Variants in ALX1 observed in about 807,000 individuals in gnomAD.
ALX1 encodes the protein ALX homeobox protein 1.
A neutral mutation model predicts 31.7 loss-of-function variants in ALX1; 19 were observed. The ratio of observed to expected loss-of-function variants is 0.60; its 90% CI spans 0.42 to 0.88. The LOEUF (loss-of-function observed/expected upper bound fraction) is 0.88. Ranked by LOEUF, ALX1 falls within the 40% of genes least tolerant of loss-of-function variation. The pLI is 0.00. For missense variants in ALX1, 415 were observed against 407.8 expected, an observed-to-expected ratio of 1.02 and a Z score of -0.15; for synonymous variants, 153 against 148.8, an observed-to-expected ratio of 1.03 and a Z score of -0.20.
intron 2 of ALX1, among the ~76,000 whole-genome samples, chr12:85,285,620 G>C (rs1896737891): frequency 1.3e-5 from 2 of 151,850 alleles, no homozygotes; most frequent in Admixed American, 1.3e-4. Context: ...ATTAAACTGA[G>C]TATTAATATG....
chr12:85,294,608 G>T (rs1336141423), intron 3 of ALX1, among the ~76,000 whole-genome samples: 2 of 151,016 alleles, frequency 1.3e-5, no homozygotes, highest in African/African-American at 4.8e-5. Flanking sequence ...TTTGAATAAT[G>T]AAAAATGTAA....
At chr12:85,284,799 C>A (rs921689797) in intron 2 of ALX1, among the ~76,000 whole-genome samples, 1 of 151,998 alleles carries the variant, frequency 6.6e-6, no homozygotes, top group African/African-American at 2.4e-5. Flanking sequence ...TGTGTGTGTT[C>A]TGACTCCTCT....
intron 3 of ALX1, among the ~76,000 whole-genome samples, chr12:85,294,397 T>G (rs1896858638): frequency 6.6e-6 from 1 of 151,062 alleles, no homozygotes; most frequent in Non-Finnish European, 1.5e-5. Context: ...AGTAATAAAA[T>G]AGCAAAGGTT....
chr12:85,300,264 G>A (rs919275229), intron 3 of ALX1, among the ~76,000 whole-genome samples: 2 of 151,876 alleles, frequency 1.3e-5, no homozygotes, highest in Non-Finnish European at 2.9e-5. Flanking sequence ...ATTTGTACTT[G>A]TTAATATTGC....
At chr12:85,297,384 C>A (rs1896904158) in intron 3 of ALX1, among the ~76,000 whole-genome samples, 1 of 151,618 alleles carries the variant, frequency 6.6e-6, no homozygotes, top group African/African-American at 2.4e-5. Flanking sequence ...GTTAAAAGCA[C>A]TGGAGATGTT....
In ALX1 at chr12:85,301,469, C is replaced by T; in HGVS notation, c.975C>T (p.Ala325=). 1 of 1,613,716 alleles carries T rather than the reference C, an allele frequency of 6.2e-7. No homozygotes were observed. The highest frequency in any genetic ancestry group is 1.1e-5 in the South Asian group (1 of 91,062). ...AGCACACCGCCAATATTTCATGGGC[C>T]ATGTAACATACAGTACTCTTTTATT... ...AKEHTANISW[A]M Residue 325 remains alanine (A), a synonymous_variant, in exon 4 of 4, where the codon GCC becomes GCT. Coordinates refer to ENST00000316824, the MANE Select transcript of ALX1 (RefSeq NM_006982.3).
chr12:85,297,924 T>C (rs570223972), intron 3 of ALX1, among the ~76,000 whole-genome samples: 3 of 151,836 alleles, frequency 2.0e-5, no homozygotes, highest in Non-Finnish European at 1.5e-5. Flanking sequence ...AAAATTTTGA[T>C]ATATTAACAT....
intron 3 of ALX1, among the ~76,000 whole-genome samples, chr12:85,293,724 C>A (rs964143391): frequency 6.6e-6 from 1 of 151,010 alleles, no homozygotes; most frequent in Non-Finnish European, 1.5e-5. Flanking sequence ...AGAGTGCCAA[C>A]GTTAGCTTAT....
chr12:85,298,970 T>A (rs2137394153), intron 3 of ALX1, among the ~76,000 whole-genome samples: 1 of 151,858 alleles, frequency 6.6e-6, no homozygotes, highest in Admixed American at 6.6e-5. Flanking sequence ...CCCTTGCCTT[T>A]ACCTTTCTGA....
At chr12:85,295,624 A>C (rs1593052505) in intron 3 of ALX1, among the ~76,000 whole-genome samples, 1 of 151,724 alleles carries the variant, frequency 6.6e-6, no homozygotes, top group East Asian at 1.9e-4. Flanking sequence ...TAACTCTATA[A>C]ATCTCTGATC....
chr12:85,296,344 T>G lies in ALX1; in HGVS notation c.661-4811T>G, dbSNP rs560491934. On this transcript the variant is annotated intron_variant, in intron 3 of 3. Coordinates refer to ENST00000316824, the MANE Select transcript of ALX1 (RefSeq NM_006982.3). ...TATATTTATGTATTTTCCCTTCTCC[T>G]TCCTCTCTACTGCTTTTAATTCCTT... 2.0e-4 allele frequency among the ~76,000 whole-genome samples: 31 copies of G among 151,754 alleles called. No homozygotes were observed. The South Asian group carries it at 2.9e-3, about 14-fold the overall frequency.
chr12:85,293,348 T>C (rs900408351), intron 3 of ALX1, among the ~76,000 whole-genome samples: 2 of 150,432 alleles, frequency 1.3e-5, no homozygotes, highest in Non-Finnish European at 3.0e-5. Flanking sequence ...TACAGTGAAT[T>C]CTTTTCTTAA....
chr12:85,289,027 G>A (rs1309600473), intron 3 of ALX1, among the ~76,000 whole-genome samples: 1 of 151,286 alleles, frequency 6.6e-6, no homozygotes, highest in African/African-American at 2.4e-5. Context: ...CTCTTACTAA[G>A]TATATTCCAC....
intron 3 of ALX1, among the ~76,000 whole-genome samples, chr12:85,291,884 A>C (rs1896823449): frequency 6.6e-6 from 1 of 151,080 alleles, no homozygotes; most frequent in Non-Finnish European, 1.5e-5. Context: ...TTCCAGTCAG[A>C]GAGGTGTGGG....
At chr12:85,282,545 A>G (rs1896689629) in intron 1 of ALX1, among the ~76,000 whole-genome samples, 2 of 152,186 alleles carry the variant, frequency 1.3e-5, no homozygotes, top group Non-Finnish European at 2.9e-5. Context: ...GAAACAAATG[A>G]AAAAAGTATG....
At chr12:85,293,346 ATTC>A (rs1439453049) in intron 3 of ALX1, among the ~76,000 whole-genome samples, 4 of 150,474 alleles carry the variant, frequency 2.7e-5, no homozygotes, top group African/African-American at 9.7e-5. Context: ...GCTACAGTGA[ATTC>A]TTTTCTTAAT....
rs1593045944 is a variant in ALX1 at position 85,280,380 on chromosome 12, T to C, written c.119T>C (p.Phe40Ser). The change falls in exon 1 of 4, where the codon TTT (phenylalanine) becomes TCT (serine). Residue 40 changes from phenylalanine to serine, a missense_variant. Physicochemically the swap from Phe to Ser is radical, Grantham distance 155. Coordinates refer to ENST00000316824, the MANE Select transcript of ALX1 (RefSeq NM_006982.3). ...HVMETLDNES[F>S]YSKASAGKCV... The stretch of plus-strand genomic sequence containing the variant: ...ATGGAGACGCTGGACAATGAGTCCT[T>C]TTACAGCAAAGCGTCTGCAGGCAAA... 2.5e-6 allele frequency: 4 copies of C among 1,613,884 alleles called. No individual in the cohort carries two copies. The highest frequency in any genetic ancestry group is 3.4e-6 in the Non-Finnish European group (4 of 1,180,030).
chr12:85,289,781 T>A (rs552183502), intron 3 of ALX1, among the ~76,000 whole-genome samples: 12 of 151,162 alleles, frequency 7.9e-5, no homozygotes, highest in African/African-American at 2.2e-4. Context: ...CTTAAATATA[T>A]ACAAGATACT....
At chr12:85,282,245 T>TTATA (rs969516699) in intron 1 of ALX1, among the ~76,000 whole-genome samples, 3 of 151,296 alleles carry the variant, frequency 2.0e-5, no homozygotes, top group Admixed American at 2.0e-4. Flanking sequence ...AAAAAATTTG[T>TTATA]TATATATATA....
Sources: allele counts gnomAD v4.1 joint callset (sites outside exome capture counted in the v4.1 genomes callset), GRCh38; gene constraint gnomAD v4.1.1; transcripts MANE v1.5; gene names NCBI Gene and HGNC (gene_info 2026-07-23, HGNC 2026-07-21).